ARMC7: variants seen among roughly 807,000 people sequenced by gnomAD.
ARMC7 encodes armadillo repeat-containing protein 7.
A neutral mutation model predicts 14.8 loss-of-function variants in ARMC7; 9 were observed. That is an observed-to-expected ratio of 0.61 (90% CI 0.37 to 1.06). The LOEUF (loss-of-function observed/expected upper bound fraction) is 1.06. ARMC7 is among the 50% of genes least tolerant of loss of function. ARMC7 has a pLI of 0.01. For synonymous variants in ARMC7, 125 were observed against 123.4 expected (o/e 1.01, Z -0.09); for missense variants, 262 against 267.1 (o/e 0.98, Z 0.13).
At chr17:75,127,309 G>C (rs1489008348) in intron 2 of ARMC7, among the ~76,000 whole-genome samples, 1 of 152,182 alleles carries the variant, frequency 6.6e-6, no homozygotes, top group Non-Finnish European at 1.5e-5. Flanking sequence ...ACAAATGTTA[G>C]GTCAGCCGCC....
intron 2 of ARMC7, among the ~76,000 whole-genome samples, chr17:75,115,437 G>C (rs1011206328): frequency 6.6e-6 from 1 of 152,122 alleles, no homozygotes; most frequent in Non-Finnish European, 1.5e-5. Flanking sequence ...CTACTCGGAG[G>C]CTGAGGCAGA....
At chr17:75,124,457 G>A (rs2074036583) in intron 2 of ARMC7, among the ~76,000 whole-genome samples, 1 of 152,210 alleles carries the variant, frequency 6.6e-6, no homozygotes, top group Non-Finnish European at 1.5e-5. Context: ...TGACTCAGCT[G>A]CCAGGCAGTG....
chr17:75,114,507 TCCA>T (rs1485349904), intron 2 of ARMC7: 1 of 393,378 alleles, frequency 2.5e-6, no homozygotes, highest in African/African-American at 2.1e-5. Flanking sequence ...TCCCAGCGTC[TCCA>T]CTTCTCAGCT....
intron 2 of ARMC7, chr17:75,114,634 G>C: frequency 2.5e-6 from 1 of 397,316 alleles, no homozygotes; most frequent in Admixed American, 4.4e-5. Flanking sequence ...GTGTCTCTGT[G>C]CAGGTATTTT....
chr17:75,110,439 T>G (rs1243153395), intron 1 of ARMC7, 24 bp from the exon 2 acceptor site: 1 of 1,614,208 alleles, frequency 6.2e-7, no homozygotes, highest in African/African-American at 1.3e-5. Context: ...CGGACCTGGC[T>G]TCAGTGCCGC....
At chr17:75,112,131 G>T (rs1568013913) in intron 2 of ARMC7, among the ~76,000 whole-genome samples, 1 of 146,668 alleles carries the variant, frequency 6.8e-6, no homozygotes, top group Non-Finnish European at 1.5e-5. Flanking sequence ...AAAACAGGAA[G>T]GAGCCAGACG....
At chr17:75,124,284 G>A (rs1413656956) in intron 2 of ARMC7, among the ~76,000 whole-genome samples, 2 of 152,186 alleles carry the variant, frequency 1.3e-5, no homozygotes, top group African/African-American at 4.8e-5. Flanking sequence ...CCAAGCAGCT[G>A]GTGAGCTCTG....
In ARMC7 at chr17:75,128,885, C is replaced by A; in HGVS notation, c.444C>A (p.Phe148Leu). Residue 148 changes from phenylalanine to leucine, a missense_variant, in exon 3 of 3, where the codon TTC (phenylalanine) becomes TTA (leucine). Physicochemically the swap from Phe to Leu is conservative, Grantham distance 22. Transcript: ENST00000245543. ...CCGTGGTGCAGTGCATGCTTCGCTT[C>A]TCCCTCTCGGCCAGCGCCAGGCTCC... ...ATPVVQCMLR[F>L]SLSASARLRN... 1.2e-6 allele frequency: 2 copies of A among 1,611,794 alleles called. No homozygotes were observed. Among genetic ancestry groups the A allele is most frequent in the Non-Finnish European group, 1.7e-6 (2 of 1,179,954 alleles).
At position 75,113,436 on chromosome 17, in the gene ARMC7, G is replaced by C. The variant is rs1270609480; in HGVS notation, c.235+2830G>C. The stretch of plus-strand genomic sequence containing the variant: ...GTGGCGCGATCTCGGCTCACTGCAA[G>C]CTCCGCCTCCCGGGTTCACGCCATT... On this transcript the variant is annotated intron_variant, in intron 2 of 2. Coordinates refer to ENST00000245543, the MANE Select transcript of ARMC7 (RefSeq NM_024585.4). 6.0e-5 allele frequency among the ~76,000 whole-genome samples: 9 copies of C among 150,534 alleles called. No individual in the cohort carries two copies. The East Asian group carries it at 1.6e-3, about 26-fold the overall frequency.
At position 75,122,256 on chromosome 17, in the gene ARMC7, G is replaced by T. The variant is rs368245421; in HGVS notation, c.236-6421G>T. Among the ~76,000 whole-genome samples, 11 of 152,046 alleles carry T rather than the reference G, an allele frequency of 7.2e-5. No individual in the cohort carries two copies. In the East Asian group the frequency reaches 9.7e-4, roughly 13 times the overall value. ...GAGGCTGAGGCAGAGAACCCCGGAGGTGGAGGATGCAGTGAGCCGAGATTG... is the reference window on the plus strand; with the variant it reads ...GAGGCTGAGGCAGAGAACCCCGGAGTTGGAGGATGCAGTGAGCCGAGATTG... On this transcript the variant is annotated intron_variant, in intron 2 of 2. Coordinates refer to ENST00000245543, the MANE Select transcript of ARMC7 (RefSeq NM_024585.4).
At position 75,129,227 on chromosome 17, in the gene ARMC7, G is replaced by A. The variant is rs751991924; in HGVS notation, c.*189G>A. On this transcript the variant is annotated 3_prime_UTR_variant, in exon 3 of 3. Transcript: ENST00000245543. ...GGGAGTGAGGAAGCCAGACTCCAGAGACACGGAGAAGATCAAACTGGAGCT... is the reference window on the plus strand; with the variant it reads ...GGGAGTGAGGAAGCCAGACTCCAGAAACACGGAGAAGATCAAACTGGAGCT... 24 of 805,626 alleles carry A rather than the reference G, an allele frequency of 3.0e-5. No individual in the cohort carries two copies. The African/African-American group carries it at 3.6e-4, about 12-fold the overall frequency. The allele number at this position is 805,626 out of a possible 1,614,324, so 49.9% of individuals were successfully genotyped here.
chr17:75,114,898 T>C (rs998485919), intron 2 of ARMC7: 27 of 389,462 alleles, frequency 6.9e-5, no homozygotes, highest in Admixed American at 4.9e-4. Flanking sequence ...TGCCGTCGTT[T>C]CCCTTTCTCT....
At chr17:75,119,335 C>T (rs1287421461) in intron 2 of ARMC7, among the ~76,000 whole-genome samples, 1 of 152,106 alleles carries the variant, frequency 6.6e-6, no homozygotes, top group African/African-American at 2.4e-5. Context: ...TGTATGCACT[C>T]ACGCTGGCAA....
At chr17:75,112,853 C>T (rs2073938101) in intron 2 of ARMC7, among the ~76,000 whole-genome samples, 1 of 151,774 alleles carries the variant, frequency 6.6e-6, no homozygotes, top group South Asian at 2.1e-4. Context: ...AACAGACCCT[C>T]ATTTCATAAC....
intron 1 of ARMC7, 21 bp downstream of exon 1, chr17:75,110,400 A>AG: frequency 1.2e-6 from 2 of 1,614,134 alleles, no homozygotes; most frequent in Non-Finnish European, 1.7e-6. Flanking sequence ...CGGTGGGATC[A>AG]GGTGGCAGGG....
chr17:75,110,241 C>A lies in ARMC7; in HGVS notation c.-48C>A. 6.6e-7 allele frequency: 1 copy of A among 1,526,674 alleles called. No homozygotes were observed. The highest frequency in any genetic ancestry group is 2.4e-5 in the East Asian group (1 of 40,950). The allele number at this position is 1,526,674 out of a possible 1,614,324, so 94.6% of individuals were successfully genotyped here. A position where few individuals can be genotyped will look rare whatever the true frequency, so the allele number is the denominator to read the frequency against. On this transcript the variant is annotated 5_prime_UTR_variant, in exon 1 of 3. Coordinates refer to ENST00000245543, the MANE Select transcript of ARMC7 (RefSeq NM_024585.4). ...GTCTCGCTCGGCTTTCCCCCTGCACCTTTCCCACCCTCCCGCCCGTCCCTG... is the reference window on the plus strand; with the variant it reads ...GTCTCGCTCGGCTTTCCCCCTGCACATTTCCCACCCTCCCGCCCGTCCCTG...
At chr17:75,110,703 C>T in intron 2 of ARMC7, 97 bp downstream of exon 2, 5 of 1,485,342 alleles carry the variant, frequency 3.4e-6, no homozygotes, top group Non-Finnish European at 4.6e-6. Context: ...TGGCTCACAC[C>T]TGTAATCCCA....
chr17:75,123,484 G>A (rs1042198666), intron 2 of ARMC7, among the ~76,000 whole-genome samples: 2 of 151,500 alleles, frequency 1.3e-5, no homozygotes, highest in African/African-American at 4.9e-5. Flanking sequence ...CTCCTGAGTA[G>A]CTGGGACTAC....
chr17:75,128,210 G>A (rs968211990), intron 2 of ARMC7, among the ~76,000 whole-genome samples: 2 of 151,946 alleles, frequency 1.3e-5, no homozygotes, highest in African/African-American at 2.4e-5. Context: ...AAGTAGCTGG[G>A]ATTACAGGCA....
Sources: gnomAD v4.1 joint callset for allele counts (sites outside exome capture counted in the v4.1 genomes callset) on GRCh38, gnomAD v4.1.1 for gene constraint, MANE v1.5 for transcripts, NCBI Gene and HGNC (gene_info 2026-07-23, HGNC 2026-07-21) for gene names.